The following XNDC1N variants were observed in gnomAD, a reference collection of about 807,000 sequenced individuals.
XNDC1N encodes the protein XRCC1 N-terminal domain containing 1, N-terminal like.
the XNDC1N span, among the ~76,000 whole-genome samples, chr11:71,871,981 T>C: frequency 6.6e-6 from 1 of 152,166 alleles, no homozygotes; most frequent in Non-Finnish European, 1.5e-5. Flanking sequence ...AATATGAATA[T>C]ATCATGCAAT....
At chr11:71,872,432 C>G in the XNDC1N span, among the ~76,000 whole-genome samples, 1 of 152,182 alleles carries the variant, frequency 6.6e-6, no homozygotes, top group African/African-American at 2.4e-5. Context: ...AATCACCTAG[C>G]TCAATCTGTA....
chr11:71,875,386 T>C, the XNDC1N span, among the ~76,000 whole-genome samples: 1 of 152,082 alleles, frequency 6.6e-6, no homozygotes, highest in Non-Finnish European at 1.5e-5. Context: ...TTTTTTCCAA[T>C]TTTACATGAA....
the XNDC1N span, among the ~76,000 whole-genome samples, chr11:71,880,232 A>T: frequency 6.6e-6 from 1 of 152,192 alleles, no homozygotes; most frequent in African/African-American, 2.4e-5. Flanking sequence ...GTGGATTTTA[A>T]AATTAATTTG....
At chr11:71,902,482 C>T in the XNDC1N span, among the ~76,000 whole-genome samples, 2 of 152,216 alleles carry the variant, frequency 1.3e-5, no homozygotes, top group Non-Finnish European at 2.9e-5. Flanking sequence ...TGAGCCACCG[C>T]GTCCGGCCAA....
the XNDC1N span, among the ~76,000 whole-genome samples, chr11:71,913,562 G>A: frequency 4.6e-5 from 7 of 151,656 alleles, no homozygotes; most frequent in African/African-American, 1.7e-4. Context: ...GGGAGGCTGA[G>A]GCAGGAGAAT....
the XNDC1N span, chr11:71,914,542 C>G: frequency 2.8e-6 from 1 of 358,272 alleles, no homozygotes; most frequent in Non-Finnish European, 5.5e-6. Flanking sequence ...AAAAAATTAG[C>G]CAGGTGTGGT....
At chr11:71,878,829 A>G in the XNDC1N span, among the ~76,000 whole-genome samples, 1 of 126,792 alleles carries the variant, frequency 7.9e-6, no homozygotes, top group African/African-American at 3.4e-5. Flanking sequence ...CATCTCTACA[A>G]AAAAAAAAAA....
the XNDC1N span, chr11:71,917,189 T>A: frequency 2.1e-6 from 1 of 484,246 alleles, no homozygotes; most frequent in East Asian, 3.6e-5. Flanking sequence ...AATTTTTGTA[T>A]TTTTAGTAGA....
the XNDC1N span, chr11:71,923,209 C>G: frequency 1.4e-6 from 1 of 692,456 alleles, no homozygotes; most frequent in South Asian, 1.5e-5. Context: ...AATGTCTCTT[C>G]TATTAGATTG....
the XNDC1N span, among the ~76,000 whole-genome samples, chr11:71,868,656 C>A: frequency 2.0e-5 from 3 of 152,320 alleles, no homozygotes; most frequent in Admixed American, 2.0e-4. Context: ...CCACTGTTAG[C>A]CTAATGGGAT....
At chr11:71,876,669 C>T in the XNDC1N span, among the ~76,000 whole-genome samples, 2 of 152,238 alleles carry the variant, frequency 1.3e-5, no homozygotes, top group African/African-American at 2.4e-5. Context: ...TAGAAAATAT[C>T]AAGCAGTGAA....
the XNDC1N span, among the ~76,000 whole-genome samples, chr11:71,924,537 G>A: frequency 6.6e-6 from 1 of 152,078 alleles, no homozygotes. Flanking sequence ...TATAAGCCTG[G>A]CGTGGTGGTG....
the XNDC1N span, among the ~76,000 whole-genome samples, chr11:71,910,574 C>T: frequency 1.2e-4 from 19 of 152,256 alleles, no homozygotes; most frequent in South Asian, 4.1e-4. Flanking sequence ...CCACGGCATT[C>T]GGGTGTGCCA....
the XNDC1N span, among the ~76,000 whole-genome samples, chr11:71,914,690 GA>G: frequency 1.4e-3 from 192 of 139,234 alleles, no homozygotes; most frequent in Admixed American, 1.8e-3. Flanking sequence ...TTTGTCTCGG[GA>G]AAAAAAAAAA....
chr11:71,865,771 G>GTTTT, the XNDC1N span: 415 of 365,432 alleles, frequency 1.1e-3, 1 homozygote, highest in African/African-American at 8.4e-3. Flanking sequence ...GAGAAGAACA[G>GTTTT]TTTTTTTTTT....
the XNDC1N span, chr11:71,928,319 C>G: frequency 1.6e-6 from 1 of 615,046 alleles, no homozygotes; most frequent in Non-Finnish European, 2.9e-6. Context: ...ACCCTCCTCC[C>G]TCTCGGCCAC....
the XNDC1N span, among the ~76,000 whole-genome samples, chr11:71,905,971 C>T: frequency 6.6e-6 from 1 of 151,630 alleles, no homozygotes; most frequent in Non-Finnish European, 1.5e-5. Flanking sequence ...CATCCCCCTA[C>T]AATATTGGGA....
At chr11:71,897,107 C>T in the XNDC1N span, among the ~76,000 whole-genome samples, 142 of 151,440 alleles carry the variant, frequency 9.4e-4, no homozygotes, top group African/African-American at 2.4e-3. Flanking sequence ...TCACCCCAAG[C>T]GCTAAAAGTA....
chr11:71,893,695 G>C, the XNDC1N span: 7 of 1,331,012 alleles, frequency 5.3e-6, no homozygotes, highest in African/African-American at 5.9e-5. Flanking sequence ...TTTCACCTCG[G>C]CCACGGTTCC....
Sources: gnomAD v4.1 joint callset for allele counts (sites outside exome capture counted in the v4.1 genomes callset) on GRCh38, gnomAD v4.1.1 for gene constraint, MANE v1.5 for transcripts, NCBI Gene and HGNC (gene_info 2026-07-23, HGNC 2026-07-21) for gene names.